The following TMEM207 variants were observed in gnomAD, a reference collection of about 807,000 sequenced individuals.
TMEM207 encodes the protein SRSR846.
Under a neutral mutation model 17.4 loss-of-function variants are expected in TMEM207, and 15 were observed. The ratio of observed to expected loss-of-function variants is 0.86; its 90% CI spans 0.58 to 1.33. TMEM207 has a LOEUF of 1.33. TMEM207 is among the 40% of genes most tolerant of loss of function. TMEM207 has a pLI of 0.00. For synonymous variants in TMEM207, 70 were observed against 65.6 expected (o/e 1.07, Z -0.33); for missense variants, 205 against 173.8 (o/e 1.18, Z -1.01).
Position 190,429,632 on chromosome 3 carries a change from G to A in TMEM207, c.404C>T (p.Ser135Phe), listed in dbSNP as rs780816971. The A allele has an allele frequency of 5.6e-6, 9 of 1,613,500 alleles. No homozygotes were observed. In the South Asian group the frequency reaches 6.6e-5, roughly 12 times the overall value. ...TACAATTTCTTCATATGGAGGTGGG[G>A]AGCCTAAAGGGCCAAAACATGGAGC... ...VPAPCFGPLG[S>F]PPPYEEIVKT... Residue 135 changes from serine (S) to phenylalanine (F), a missense_variant, in exon 5 of 5, where the codon TCC becomes TTC. Coordinates refer to ENST00000354905, the MANE Select transcript of TMEM207 (RefSeq NM_207316.3).
At chr3:190,445,774 C>T (rs542097322) in intron 2 of TMEM207, among the ~76,000 whole-genome samples, 1 of 152,356 alleles carries the variant, frequency 6.6e-6, no homozygotes, top group Admixed American at 6.5e-5. Flanking sequence ...GATCCACCCA[C>T]TTTGGCATCC....
Position 190,441,446 on chromosome 3 carries a change from C to T in TMEM207, c.150G>A (p.Trp50Ter), listed in dbSNP as rs754752355. Residue 50 changes from tryptophan to a stop codon, truncating the protein, a stop_gained, in exon 3 of 5, where the codon TGG becomes TGA. Transcript: ENST00000354905. LOFTEE classifies it high-confidence loss of function. ...ATGGAAGATATCCTTACCAGATATA[C>T]CAGCCATTAGGGTGTTGGTCATTAT... ...VNYNDQHPNG[W>*]YIWILLLLVL... is the part of the protein sequence containing the mutation. 6.2e-7 allele frequency: 1 copy of T among 1,611,332 alleles called. No homozygotes were observed. Among genetic ancestry groups the T allele is most frequent in the South Asian group, 1.1e-5 (1 of 90,764 alleles).
At chr3:190,443,060 TA>T (rs1474134233) in intron 2 of TMEM207, among the ~76,000 whole-genome samples, 1 of 151,886 alleles carries the variant, frequency 6.6e-6, no homozygotes, top group Non-Finnish European at 1.5e-5. Context: ...AATATTGTAT[TA>T]AAAAATTAAA....
At position 190,429,656 on chromosome 3, in the gene TMEM207, G is replaced by GC. The variant is rs1560104960; in HGVS notation, c.379dup (p.Ala127GlyfsTer14). On this transcript the variant is annotated frameshift_variant, in exon 5 of 5. Transcript: ENST00000354905. LOFTEE classifies it high-confidence loss of function. The stretch of plus-strand genomic sequence containing the variant: ...GGAGCCTAAAGGGCCAAAACATGGA[G>GC]CAGGAACAGGATATAGGTCAGGGGT... The GC allele has an allele frequency of 1.2e-6, 2 of 1,613,596 alleles. No individual in the cohort carries two copies. The highest frequency in any genetic ancestry group is 1.1e-5 in the South Asian group (1 of 91,052).
intron 3 of TMEM207, 58 bp from the exon 4 acceptor site, chr3:190,440,447 C>T: frequency 6.7e-7 from 1 of 1,498,032 alleles, no homozygotes. Flanking sequence ...AAGTTAAGAG[C>T]TTCCATCACT....
At chr3:190,437,540 A>G (rs905359708) in intron 4 of TMEM207, among the ~76,000 whole-genome samples, 6 of 152,198 alleles carry the variant, frequency 3.9e-5, no homozygotes. Flanking sequence ...CATATAAACC[A>G]CAATGAGATA....
At chr3:190,439,830 T>C (rs943470521) in intron 4 of TMEM207, among the ~76,000 whole-genome samples, 2 of 152,174 alleles carry the variant, frequency 1.3e-5, no homozygotes, top group African/African-American at 4.8e-5. Flanking sequence ...TCAATGTTAC[T>C]TCAGATGAGT....
At chr3:190,429,825 G>C in intron 4 of TMEM207, 94 bp from the exon 5 acceptor site, 3 of 1,354,876 alleles carry the variant, frequency 2.2e-6, no homozygotes, top group Non-Finnish European at 2.9e-6. Context: ...TGCTTGGATC[G>C]CTGAAGCAAC....
intron 4 of TMEM207, among the ~76,000 whole-genome samples, chr3:190,432,255 C>G (rs896904466): frequency 6.6e-6 from 1 of 152,174 alleles, no homozygotes; most frequent in Non-Finnish European, 1.5e-5. Flanking sequence ...GTTCTTTCTA[C>G]CTGTTTCTTC....
intron 4 of TMEM207, among the ~76,000 whole-genome samples, chr3:190,433,330 T>C (rs557210336): frequency 8.2e-4 from 125 of 152,252 alleles, no homozygotes; most frequent in African/African-American, 2.4e-3. Flanking sequence ...TAAATTAAAA[T>C]AAAAACAACC....
intron 4 of TMEM207, among the ~76,000 whole-genome samples, chr3:190,432,002 T>C (rs934506039): frequency 1.1e-4 from 17 of 152,296 alleles, no homozygotes; most frequent in Admixed American, 3.3e-4. Context: ...ACATATAATA[T>C]CAAGTGATTG....
intron 4 of TMEM207, among the ~76,000 whole-genome samples, chr3:190,439,067 C>T (rs1719867404): frequency 6.6e-6 from 1 of 150,572 alleles, no homozygotes; most frequent in Non-Finnish European, 1.5e-5. Flanking sequence ...GTCCCAGCTA[C>T]TCGGGAGGCT....
At chr3:190,438,400 A>G (rs1330614867) in intron 4 of TMEM207, among the ~76,000 whole-genome samples, 1 of 151,874 alleles carries the variant, frequency 6.6e-6, no homozygotes, top group African/African-American at 2.4e-5. Context: ...CTAAAGCAGT[A>G]TATCAGCCTT....
chr3:190,441,812 G>A (rs950914738), intron 2 of TMEM207, among the ~76,000 whole-genome samples: 2 of 152,294 alleles, frequency 1.3e-5, no homozygotes, highest in East Asian at 1.9e-4. Flanking sequence ...ACAAATCGTA[G>A]GTGTTTGGTA....
In TMEM207 at chr3:190,428,883, A is replaced by C. The variant is rs1719626822; in HGVS notation, c.*712T>G. The C allele has an allele frequency of 2.0e-5, 3 of 152,170 alleles. No homozygotes were observed. 9.4% of individuals were successfully genotyped at this position (152,170 alleles called of 1,614,324 possible). A position where few individuals can be genotyped will look rare whatever the true frequency, so the allele number is the denominator to read the frequency against. On this transcript the variant is annotated 3_prime_UTR_variant, in exon 5 of 5. Transcript: ENST00000354905. ...AATGCCAAGCCCTGAGGCTCCAGAG[A>C]AACACTATGGACTATGGAGGCCACA...
At position 190,439,826 on chromosome 3, in the gene TMEM207, T is replaced by C. The variant is rs180827279; in HGVS notation, c.304+418A>G. On this transcript the variant is annotated intron_variant, in intron 4 of 4. Coordinates refer to ENST00000354905, the MANE Select transcript of TMEM207 (RefSeq NM_207316.3). ...GACATCTGGAAAGTGTCGTTCAATGTTACTTCAGATGAGTTCAGTAAAGCA... is the reference window on the plus strand; with the variant it reads ...GACATCTGGAAAGTGTCGTTCAATGCTACTTCAGATGAGTTCAGTAAAGCA... Among the ~76,000 whole-genome samples, 35 of 152,304 alleles carry C rather than the reference T, an allele frequency of 2.3e-4. No individual in the cohort carries two copies. The East Asian group carries it at 4.2e-3, about 18-fold the overall frequency.
rs746826042 is a variant in TMEM207, at chr3:190,440,318, A to T, written c.230T>A (p.Leu77Gln). Residue 77 changes from leucine to glutamine, a missense_variant, in exon 4 of 5, where the codon CTG becomes CAG. Coordinates refer to ENST00000354905, the MANE Select transcript of TMEM207 (RefSeq NM_207316.3). ...GAVVLCLQCWLRRPRIDSHRR... is the reference protein window; with the variant it reads ...GAVVLCLQCWQRRPRIDSHRR... ...GTGAGAATCAATTCGGGGTCTCCTC[A>T]GCCAGCACTGGAGGCAGAGGACCAC... The T allele has an allele frequency of 6.2e-7, 1 of 1,614,154 alleles. No homozygotes were observed. The highest frequency in any genetic ancestry group is 8.5e-7 in the Non-Finnish European group (1 of 1,180,026).
At chr3:190,432,796 G>A (rs76586311) in intron 4 of TMEM207, among the ~76,000 whole-genome samples, 2,637 of 152,216 alleles carry the variant, frequency 0.017, 95 homozygotes, top group African/African-American at 0.061. Context: ...CCAGAAATAA[G>A]AAAGAGGGAA....
At chr3:190,446,951 G>A (rs1254374904) in intron 2 of TMEM207, among the ~76,000 whole-genome samples, 1 of 152,094 alleles carries the variant, frequency 6.6e-6, no homozygotes, top group Non-Finnish European at 1.5e-5. Flanking sequence ...TTAACGTAAA[G>A]AAATAGCAAT....
Sources: gnomAD v4.1 joint callset for allele counts (sites outside exome capture counted in the v4.1 genomes callset) on GRCh38, gnomAD v4.1.1 for gene constraint, MANE v1.5 for transcripts, NCBI Gene and HGNC (gene_info 2026-07-23, HGNC 2026-07-21) for gene names.